KHDRBS2: variants seen among roughly 807,000 people sequenced by gnomAD.
KHDRBS2 encodes KH RNA binding domain containing, signal transduction associated 2.
KHDRBS2 carries 26 observed loss-of-function variants against 44.3 expected under a neutral mutation model. That is an observed-to-expected ratio of 0.59 (90% CI 0.43 to 0.81). The LOEUF is 0.81. KHDRBS2 is among the 40% of genes least tolerant of loss of function. The pLI, the probability that KHDRBS2 is intolerant of heterozygous loss-of-function variation, is 0.00. For missense variants in KHDRBS2, 476 were observed against 433.1 expected, an observed-to-expected ratio of 1.10 and a Z score of -0.88; for synonymous variants, 194 against 151.1, an observed-to-expected ratio of 1.28 and a Z score of -2.08.
At chr6:61,713,128 T>C (rs1187965002) in intron 7 of KHDRBS2, among the ~76,000 whole-genome samples, 1 of 151,586 alleles carries the variant, frequency 6.6e-6, no homozygotes, top group African/African-American at 2.4e-5. Context: ...ACAAAATATG[T>C]GTTGTATTGT....
At chr6:62,104,799 A>C (rs1802765193) in intron 2 of KHDRBS2, among the ~76,000 whole-genome samples, 1 of 152,124 alleles carries the variant, frequency 6.6e-6, no homozygotes, top group Admixed American at 6.5e-5. Flanking sequence ...AAATGAAATA[A>C]ATAATAAGTT....
chr6:62,015,477 T>C (rs1030575497), intron 3 of KHDRBS2, among the ~76,000 whole-genome samples: 6 of 152,108 alleles, frequency 3.9e-5, no homozygotes, highest in Admixed American at 2.0e-4. Context: ...GGCAGTACTA[T>C]GTAGTCTATA....
Position 62,286,180 on chromosome 6 carries a change from C to T in KHDRBS2, c.-232G>A. 1 of 537,128 alleles carries T rather than the reference C, an allele frequency of 1.9e-6. No individual in the cohort carries two copies. The highest frequency in any genetic ancestry group is 3.5e-5 in the East Asian group (1 of 28,818). The allele number at this position is 537,128 out of a possible 1,614,324, so 33.3% of individuals were successfully genotyped here. ...TCCGTCGTCCCTCGCTCGCGCAGAGCCCCGGCTCACACCAGCGGCCTTAAC... is the reference window on the plus strand; with the variant it reads ...TCCGTCGTCCCTCGCTCGCGCAGAGTCCCGGCTCACACCAGCGGCCTTAAC... On this transcript the variant is annotated 5_prime_UTR_variant, in exon 1 of 9. Coordinates refer to ENST00000281156, the MANE Select transcript of KHDRBS2 (RefSeq NM_152688.4).
At chr6:61,795,450 T>C (rs1158379699) in intron 6 of KHDRBS2, among the ~76,000 whole-genome samples, 2 of 151,912 alleles carry the variant, frequency 1.3e-5, no homozygotes, top group Non-Finnish European at 2.9e-5. Context: ...AAGAGCTGTG[T>C]TTGTCATACA....
chr6:61,948,895 T>C (rs1764172550), intron 4 of KHDRBS2, among the ~76,000 whole-genome samples: 1 of 151,888 alleles, frequency 6.6e-6, no homozygotes, highest in South Asian at 2.1e-4. Context: ...GATAAAGCCT[T>C]TATGCCCCAC....
At chr6:61,789,036 A>G (rs1784239155) in intron 6 of KHDRBS2, among the ~76,000 whole-genome samples, 1 of 151,416 alleles carries the variant, frequency 6.6e-6, no homozygotes, top group African/African-American at 2.4e-5. Context: ...TTATCTCTCT[A>G]TGCCTCAGTT....
intron 6 of KHDRBS2, among the ~76,000 whole-genome samples, chr6:61,782,007 G>A (rs1357653772): frequency 3.3e-5 from 5 of 152,222 alleles, no homozygotes; most frequent in Admixed American, 1.3e-4. Flanking sequence ...AGGGAATTTT[G>A]GAAGTGTTTT....
chr6:62,064,014 T>C (rs918503003), intron 2 of KHDRBS2, among the ~76,000 whole-genome samples: 3,236 of 147,358 alleles, frequency 0.022, 138 homozygotes, highest in African/African-American at 0.076. Flanking sequence ...AAATCATGAG[T>C]GAACTCCCAT....
In KHDRBS2 at chr6:62,087,503, G is replaced by C. The variant is rs1049864783; in HGVS notation, c.220-39509C>G. ...TAAAGGCCAAAAAGAAATAAAAAAA[G>C]ATATTAAATAAAATTTAACAGAAAG... On this transcript the variant is annotated intron_variant, in intron 2 of 8. Coordinates refer to ENST00000281156, the MANE Select transcript of KHDRBS2 (RefSeq NM_152688.4). Among the ~76,000 whole-genome samples, 2 of 151,956 alleles carry C rather than the reference G, an allele frequency of 1.3e-5. 1 individual carries two copies. Among genetic ancestry groups the C allele is most frequent in the South Asian group, 4.1e-4 (2 of 4,822 alleles).
At chr6:62,085,568 T>A (rs1213780694) in intron 2 of KHDRBS2, among the ~76,000 whole-genome samples, 1 of 152,138 alleles carries the variant, frequency 6.6e-6, no homozygotes, top group Non-Finnish European at 1.5e-5. Flanking sequence ...GTCAAGAGTT[T>A]AATGTATAAA....
At chr6:61,848,563 GTATATATA>G in intron 6 of KHDRBS2, among the ~76,000 whole-genome samples, 1 of 22,182 alleles carries the variant, frequency 4.5e-5, no homozygotes, top group South Asian at 1.7e-3. Context: ...ATATATATAT[GTATATATA>G]TATACATATA....
At chr6:61,596,810 C>A in the KHDRBS2 span, among the ~76,000 whole-genome samples, 69 of 152,148 alleles carry the variant, frequency 4.5e-4, no homozygotes, top group African/African-American at 1.5e-3. Context: ...TGCCACCACG[C>A]CTGGCTAATT....
At chr6:61,607,115 T>C in the KHDRBS2 span, among the ~76,000 whole-genome samples, 163 of 151,742 alleles carry the variant, frequency 1.1e-3, no homozygotes, top group Non-Finnish European at 2.0e-3. Context: ...AAAAAGTTAG[T>C]TACAACAGAC....
At chr6:62,283,186 A>T (rs1340986981) in intron 1 of KHDRBS2, among the ~76,000 whole-genome samples, 1 of 152,152 alleles carries the variant, frequency 6.6e-6, no homozygotes, top group East Asian at 1.9e-4. Context: ...ACAAACTTCA[A>T]ACTACATTAT....
rs564067112 is a variant in KHDRBS2, at chr6:61,970,195, T to A, written c.483+7871A>T. Among the ~76,000 whole-genome samples the A allele has an allele frequency of 1.8e-4, 28 of 152,122 alleles. No individual in the cohort carries two copies. In the South Asian group the frequency reaches 2.7e-3, roughly 15 times the overall value. On this transcript the variant is annotated intron_variant, in intron 4 of 8. Coordinates refer to ENST00000281156, the MANE Select transcript of KHDRBS2 (RefSeq NM_152688.4). ...ACTGATTAATTTAAAATGGTGCTCT[T>A]ACCACCATCATCATATATCAATAAT...
chr6:62,204,311 T>C (rs953212481), intron 1 of KHDRBS2, among the ~76,000 whole-genome samples: 3 of 152,166 alleles, frequency 2.0e-5, no homozygotes, highest in African/African-American at 7.2e-5. Context: ...AAACTAAGAC[T>C]GCAACAATGA....
At chr6:61,602,809 AT>A in the KHDRBS2 span, among the ~76,000 whole-genome samples, 2 of 152,056 alleles carry the variant, frequency 1.3e-5, no homozygotes, top group Non-Finnish European at 2.9e-5. Flanking sequence ...AACTTAGACA[AT>A]ACTCTTTTAA....
intron 3 of KHDRBS2, among the ~76,000 whole-genome samples, chr6:62,043,494 G>C (rs1042832077): frequency 6.6e-6 from 1 of 151,982 alleles, no homozygotes; most frequent in African/African-American, 2.4e-5. Flanking sequence ...TTAAAATGTA[G>C]CTTCTGTGCA....
chr6:62,140,731 A>T (rs987050988), intron 2 of KHDRBS2, among the ~76,000 whole-genome samples: 2 of 152,216 alleles, frequency 1.3e-5, no homozygotes, highest in Non-Finnish European at 2.9e-5. Context: ...TAAGAATGTA[A>T]CTCTGAGTAA....
Sources: allele counts gnomAD v4.1 joint callset (sites outside exome capture counted in the v4.1 genomes callset), GRCh38; gene constraint gnomAD v4.1.1; transcripts MANE v1.5; gene names NCBI Gene and HGNC (gene_info 2026-07-23, HGNC 2026-07-21).